Variants in TPM3 observed in about 807,000 individuals in gnomAD.
TPM3 encodes tropomyosin 3.
A neutral mutation model predicts 43.1 loss-of-function variants in TPM3; 16 were observed. That is an observed-to-expected ratio of 0.37 (90% CI 0.25 to 0.56). The LOEUF (loss-of-function observed/expected upper bound fraction) is 0.56, where lower values mean the gene tolerates loss of function less well. Ranked by LOEUF, TPM3 falls within the 20% of genes least tolerant of loss-of-function variation. The pLI, the probability that TPM3 is intolerant of heterozygous loss-of-function variation, is 0.77. For synonymous variants in TPM3, 101 were observed against 116.9 expected (o/e 0.86, Z 0.88); for missense variants, 176 against 337.2 (o/e 0.52, Z 3.74).
rs1660533210 is a variant in TPM3, at chr1:154,162,923, G to C, written c.*5014C>G. Among the ~76,000 whole-genome samples, 1 of 151,696 alleles carries C rather than the reference G, an allele frequency of 6.6e-6. No homozygotes were observed. Among genetic ancestry groups the C allele is most frequent in the African/African-American group, 2.4e-5 (1 of 41,262 alleles). ...TATTTCCTTCTTTTTTTTCTCTCCT[G>C]CCTCAGCCTCTCGAGTAGTTGGGAC... is the stretch of plus-strand genomic sequence containing the variant. On this transcript the variant is annotated 3_prime_UTR_variant, in exon 10 of 10. Coordinates refer to ENST00000651641, the MANE Select transcript of TPM3 (RefSeq NM_152263.4).
intron 2 of TPM3, among the ~76,000 whole-genome samples, chr1:154,189,050 T>G (rs1330233934): frequency 2.8e-5 from 4 of 143,458 alleles, no homozygotes; most frequent in Admixed American, 7.5e-5. Flanking sequence ...GAGAATCACT[T>G]GAACCCGGGA....
Position 154,169,184 on chromosome 1 carries a change from AGATAAGGGTG to A in TPM3, c.854+111_854+120del. On this transcript the variant is annotated intron_variant, in intron 9 of 9. Transcript: ENST00000651641. ...CAAATAACCAGCACCAATGTTTCAA[AGATAAGGGTG>A]GAGATTCTAGTTTCCAAAGGATAAA... is the stretch of plus-strand genomic sequence containing the variant. 6.5e-6 allele frequency: 7 copies of A among 1,072,952 alleles called. No individual in the cohort carries two copies. In the South Asian group the frequency reaches 9.1e-5, roughly 14 times the overall value. The allele number at this position is 1,072,952 out of a possible 1,614,324, so 66.5% of individuals were successfully genotyped here.
chr1:154,182,622 G>T (rs1158932397), intron 2 of TPM3, among the ~76,000 whole-genome samples: 1 of 152,074 alleles, frequency 6.6e-6, no homozygotes, highest in African/African-American at 2.4e-5. Flanking sequence ...TCAAGCCAGA[G>T]CAAAGTTCTC....
chr1:154,181,864 T>C (rs1662986299), intron 2 of TPM3, among the ~76,000 whole-genome samples: 1 of 152,078 alleles, frequency 6.6e-6, no homozygotes, highest in Non-Finnish European at 1.5e-5. Context: ...GAGGTTGCAA[T>C]GAGCCGAGAT....
intron 9 of TPM3, 42 bp downstream of exon 9, chr1:154,169,263 A>G: frequency 6.2e-7 from 1 of 1,606,196 alleles, no homozygotes; most frequent in Non-Finnish European, 8.5e-7. Context: ...CCATCCACCC[A>G]CAAGCCAAGA....
chr1:154,166,514 C>T lies in TPM3; in HGVS notation c.*1423G>A. On this transcript the variant is annotated 3_prime_UTR_variant, in exon 10 of 10. Transcript: ENST00000651641. ...CCTCCTGCCTCAGCCTCCCAAGAAG[C>T]TACAGGCAGTACAGGCAAGTGCCAT... is the stretch of plus-strand genomic sequence containing the variant. The T allele has an allele frequency of 9.5e-7, 1 of 1,054,632 alleles. No individual in the cohort carries two copies. Among genetic ancestry groups the T allele is most frequent in the Non-Finnish European group, 1.1e-6 (1 of 871,648 alleles). The allele number at this position is 1,054,632 out of a possible 1,614,324, so 65.3% of individuals were successfully genotyped here.
At chr1:154,190,061 C>T (rs1663616247) in intron 2 of TPM3, among the ~76,000 whole-genome samples, 1 of 152,022 alleles carries the variant, frequency 6.6e-6, no homozygotes, top group South Asian at 2.1e-4. Context: ...CCTGCCTCAG[C>T]CTCCTGAGTA....
At chr1:154,180,134 T>C (rs1662788361) in intron 2 of TPM3, among the ~76,000 whole-genome samples, 1 of 152,128 alleles carries the variant, frequency 6.6e-6, no homozygotes, top group African/African-American at 2.4e-5. Context: ...GGTGCTACAT[T>C]ATAAAAGACC....
chr1:154,164,689 C>T lies in TPM3; in HGVS notation c.*3248G>A, dbSNP rs12026177. Among the ~76,000 whole-genome samples, 23,330 of 152,098 alleles carry T rather than the reference C, an allele frequency of 0.15. 2,171 individuals are homozygous for T. Among genetic ancestry groups the T allele is most frequent in the East Asian group, 0.37 (1,908 of 5,168 alleles). ...ATGTGATTAGGAAAAAACACTAACA[C>T]ATCAAAACTTTGATTTCAAAATAGA... On this transcript the variant is annotated 3_prime_UTR_variant, in exon 10 of 10. Coordinates refer to ENST00000651641, the MANE Select transcript of TPM3 (RefSeq NM_152263.4).
chr1:154,173,112 G>A lies in TPM3; in HGVS notation c.467C>T (p.Ala156Val). 1 of 1,614,236 alleles carries A rather than the reference G, an allele frequency of 6.2e-7. No homozygotes were observed. Among genetic ancestry groups the A allele is most frequent in the East Asian group, 2.2e-5 (1 of 44,892 alleles). Residue 156 changes from alanine (A) to valine (V), a missense_variant, in exon 4 of 10, where the codon GCA (alanine) becomes GTA (valine). Coordinates refer to ENST00000651641, the MANE Select transcript of TPM3 (RefSeq NM_152263.4). ...TTCATACTTCCTATCTGCCTCTTCT[G>A]CAATGTGCTTAGCTTCTTTGAGTTG... ...EIQLKEAKHI[A>V]EEADRKYEEV... is the part of the protein sequence containing the mutation.
intron 3 of TPM3, 75 bp from the exon 4 acceptor site, chr1:154,173,276 A>G: frequency 3.9e-6 from 5 of 1,281,492 alleles, no homozygotes; most frequent in Non-Finnish European, 5.7e-6. Flanking sequence ...GGGTCTCAGA[A>G]CTGTACTTTT....
rs1293398176 is a variant in TPM3, at chr1:154,162,381, A to C, written c.*5556T>G. 1.3e-5 allele frequency among the ~76,000 whole-genome samples: 2 copies of C among 151,642 alleles called. No homozygotes were observed. Among genetic ancestry groups the C allele is most frequent in the Non-Finnish European group, 2.9e-5 (2 of 67,902 alleles). On this transcript the variant is annotated 3_prime_UTR_variant, in exon 10 of 10. Transcript: ENST00000651641. ...CTCCGTCTCAAAAAAAAAAAAAAAA[A>C]AAAACACAAACCAACCCCATGGAGT...
At chr1:154,186,047 A>G in intron 2 of TPM3, among the ~76,000 whole-genome samples, 1 of 151,638 alleles carries the variant, frequency 6.6e-6, no homozygotes, top group Admixed American at 6.5e-5. Context: ...GGAAATACCG[A>G]GCAATGAGAC....
intron 3 of TPM3, among the ~76,000 whole-genome samples, chr1:154,175,353 T>C (rs1032865400): frequency 3.0e-4 from 34 of 115,166 alleles, no homozygotes; most frequent in African/African-American, 1.2e-3. Context: ...AAAAAAAAAA[T>C]TAGCTGGAGA....
downstream of TPM3, among the ~76,000 whole-genome samples, chr1:154,160,459 A>G (rs1051057658): frequency 6.6e-6 from 1 of 152,210 alleles, no homozygotes; most frequent in African/African-American, 2.4e-5. Flanking sequence ...CAGAAAGCAT[A>G]TATGTGTAAA....
rs562605468 is a variant in TPM3, at chr1:154,164,097, TTC to T, written c.*3838_*3839del. Among the ~76,000 whole-genome samples, 17 of 152,220 alleles carry T rather than the reference TTC, an allele frequency of 1.1e-4. No homozygotes were observed. In the East Asian group the frequency reaches 3.1e-3, roughly 28 times the overall value. On this transcript the variant is annotated 3_prime_UTR_variant, in exon 10 of 10. Coordinates refer to ENST00000651641, the MANE Select transcript of TPM3 (RefSeq NM_152263.4). ...TACCTGCCAGATTGTCAGCCGTATC[TTC>T]TTTCCCTTCCCCCAGCTCCCCAAAC...
In TPM3 at chr1:154,167,797, T is replaced by C. The variant is rs1661135735; in HGVS notation, c.*140A>G. 6.3e-7 allele frequency: 1 copy of C among 1,579,410 alleles called. No individual in the cohort carries two copies. Among genetic ancestry groups the C allele is most frequent in the Non-Finnish European group, 8.6e-7 (1 of 1,161,918 alleles). Reference sequence around the variant, plus strand: ...TGGGGTGGGGGTGGAAGAAAATACATAAGTTGCTTTTTGCTCCCCCATCCT... The same window carrying C: ...TGGGGTGGGGGTGGAAGAAAATACACAAGTTGCTTTTTGCTCCCCCATCCT... On this transcript the variant is annotated 3_prime_UTR_variant, in exon 10 of 10. Coordinates refer to ENST00000651641, the MANE Select transcript of TPM3 (RefSeq NM_152263.4).
chr1:154,158,589 G>A (rs951335710), downstream of TPM3: 6 of 355,156 alleles, frequency 1.7e-5, no homozygotes, highest in Admixed American at 4.4e-5. Flanking sequence ...TGGGCCTGCC[G>A]ATGAAGCAGT....
downstream of TPM3, chr1:154,158,955 T>C (rs374708914): frequency 2.3e-5 from 18 of 780,212 alleles, no homozygotes; most frequent in East Asian, 2.4e-4. Flanking sequence ...ATGGGCATCA[T>C]TGAGCCCTGC....
Sources: gnomAD v4.1 joint callset for allele counts (sites outside exome capture counted in the v4.1 genomes callset) on GRCh38, gnomAD v4.1.1 for gene constraint, MANE v1.5 for transcripts, NCBI Gene and HGNC (gene_info 2026-07-23, HGNC 2026-07-21) for gene names.